MUTYH: variants seen among roughly 807,000 people sequenced by gnomAD.
The protein encoded by MUTYH is adenine DNA glycosylase.
In MUTYH, 64 loss-of-function variants were observed where a neutral mutation model predicts 72.9. The ratio of observed to expected loss-of-function variants is 0.88; its 90% confidence interval spans 0.72 to 1.08. MUTYH has a LOEUF of 1.08. MUTYH is among the 50% of genes least tolerant of loss of function. The pLI is 0.00. For synonymous variants in MUTYH, 234 were observed against 263.1 expected, an observed-to-expected ratio of 0.89 and a Z score of 1.07; for missense variants, 633 against 671.0, an observed-to-expected ratio of 0.94 and a Z score of 0.63.
At chr1:45,337,206 T>C (rs1243844823) in intron 1 of MUTYH, among the ~76,000 whole-genome samples, 2 of 151,410 alleles carry the variant, frequency 1.3e-5, no homozygotes, top group Non-Finnish European at 2.9e-5. Flanking sequence ...TGCAGTGGTG[T>C]GATCTTGGCT....
chr1:45,333,350 G>C (rs1012209091), intron 3 of MUTYH, 26 bp from the exon 4 acceptor site: 2 of 1,614,246 alleles, frequency 1.2e-6, no homozygotes, highest in African/African-American at 2.7e-5. Context: ...CAGATGAGGA[G>C]TTAGGGTGGA....
At position 45,329,256 on chromosome 1, in the gene MUTYH, A is replaced by C. The variant is rs1644332454; in HGVS notation, c.*50T>G. ...ACAACATAAAATAACTACAAAAATA[A>C]GCACTTTACTAACAACAGGATTCTC... On this transcript the variant is annotated 3_prime_UTR_variant, in exon 16 of 16. Transcript: ENST00000456914. The C allele has an allele frequency of 6.2e-7, 1 of 1,612,124 alleles. No homozygotes were observed. The highest frequency in any genetic ancestry group is 1.1e-5 in the South Asian group (1 of 91,022).
rs587780079 is a variant in MUTYH at position 45,331,454 on chromosome 1, G to A, written c.1205C>T (p.Pro402Leu). ...GTGCCGGAGGTGCGTGGCTGGGAGG[G>A]GCCCAGCCCAACGCTGTAGTTCCTG... is the stretch of plus-strand genomic sequence containing the variant. ...LLQELQRWAG[P>L]LPATHLRHLG... is the part of the protein sequence containing the mutation. Residue 402 changes from proline to leucine, a missense_variant, in exon 13 of 16, where the codon CCC becomes CTC. Transcript: ENST00000456914. 34 of 1,614,128 alleles carry A rather than the reference G, an allele frequency of 2.1e-5. No individual in the cohort carries two copies. Among genetic ancestry groups the A allele is most frequent in the Non-Finnish European group, 8.5e-6 (10 of 1,180,060 alleles).
upstream of MUTYH, chr1:45,340,292 G>C: frequency 6.2e-7 from 1 of 1,613,254 alleles, no homozygotes; most frequent in Non-Finnish European, 8.5e-7. Context: ...TTCAGCTCCC[G>C]CAGCTTCCGA....
rs1553126738 is a variant in MUTYH at position 45,331,774 on chromosome 1, A to T, written c.989T>A (p.Phe330Tyr). The T allele has an allele frequency of 1.2e-6, 2 of 1,613,744 alleles. No individual in the cohort carries two copies. Among genetic ancestry groups the T allele is most frequent in the Non-Finnish European group, 1.7e-6 (2 of 1,179,846 alleles). ...PWDQTLGVVNFPRKASRKPPR... is the reference protein window; with the variant it reads ...PWDQTLGVVNYPRKASRKPPR... ...GGGCTTGCGGCTGGCCTTTCTGGGG[A>T]AGTTGACCACTCCCAGGGTCTGGTC... The change falls in exon 12 of 16, where the codon TTC becomes TAC. Residue 330 changes from phenylalanine to tyrosine, a missense_variant. Coordinates refer to ENST00000456914, the MANE Select transcript of MUTYH (RefSeq NM_001048174.2).
At position 45,331,184 on chromosome 1, in the gene MUTYH, T is replaced by A. The variant is rs863224502; in HGVS notation, c.1390A>T (p.Lys464Ter). ...AACAAAGACAACAAAGGTAGTGCCT[T>A]TTTCATGGCGGTGGAAACAGCTGCG... ...HTAAVSTAMK[K>*]VFRVYQGQQP... Residue 464 changes from lysine to a stop codon, truncating the protein, a stop_gained and splice_region_variant, in exon 14 of 16, where the codon AAG becomes TAG. Transcript: ENST00000456914. LOFTEE classifies it low-confidence loss of function (END_TRUNC). 1.2e-6 allele frequency: 2 copies of A among 1,614,088 alleles called. No individual in the cohort carries two copies. The highest frequency in any genetic ancestry group is 2.7e-5 in the African/African-American group (2 of 74,924).
intron 1 of MUTYH, among the ~76,000 whole-genome samples, chr1:45,339,125 C>T (rs1646476806): frequency 6.7e-6 from 1 of 150,002 alleles, no homozygotes; most frequent in Non-Finnish European, 1.5e-5. Context: ...TAACTATAAA[C>T]AATGAGTAAC....
rs1060501340 is a variant in MUTYH, at chr1:45,331,744, C to G, written c.1019G>C (p.Arg340Thr). 4.3e-6 allele frequency: 7 copies of G among 1,614,036 alleles called. No homozygotes were observed. Among genetic ancestry groups the G allele is most frequent in the Non-Finnish European group, 5.9e-6 (7 of 1,180,010 alleles). ...AACACAGGTGGCAGAGCTCTCCTCC[C>G]TGGGGGGCTTGCGGCTGGCCTTTCT... The part of the protein sequence containing the change: ...FPRKASRKPP[R>T]EESSATCVLE... Residue 340 changes from arginine (R) to threonine (T), a missense_variant, in exon 12 of 16, where the codon AGG (arginine) becomes ACG (threonine). Arg to Thr is a moderately conservative substitution (Grantham distance 71). Coordinates refer to ENST00000456914, the MANE Select transcript of MUTYH (RefSeq NM_001048174.2).
intron 14 of MUTYH, among the ~76,000 whole-genome samples, chr1:45,330,832 C>G (rs929431059): frequency 4.6e-5 from 7 of 152,122 alleles, no homozygotes; most frequent in Non-Finnish European, 2.9e-5. Flanking sequence ...CACCTGTAAT[C>G]CCAGCATTCT....
In MUTYH at chr1:45,339,886, C is replaced by A. The variant is rs761085013; in HGVS notation, c.-7+13G>T. The A allele has an allele frequency of 7.2e-7, 1 of 1,394,682 alleles. No individual in the cohort carries two copies. The highest frequency in any genetic ancestry group is 9.6e-7 in the Non-Finnish European group (1 of 1,046,886). 86.4% of individuals were successfully genotyped at this position (1,394,682 alleles called of 1,614,324 possible). ...CTGGAAAGCCCAAACCCAGCCACCC[C>A]ACTACCCGCTACCCGCGGCCCACGC... is the stretch of plus-strand genomic sequence containing the variant. On this transcript the variant is annotated intron_variant, in intron 1 of 15. Transcript: ENST00000456914.
At chr1:45,329,726 TGACCTTTCCAGCTAA>T (rs1483245246) in intron 15 of MUTYH, among the ~76,000 whole-genome samples, 2 of 152,206 alleles carry the variant, frequency 1.3e-5, no homozygotes, top group African/African-American at 4.8e-5. Context: ...CAGGCCCTGC[TGACCTTTCCAGCTAA>T]ACCAACTGCT....
In MUTYH at chr1:45,332,254, G is replaced by A. The variant is rs587782764; in HGVS notation, c.761C>T (p.Ala254Val). ...ACACACTGTGGCCCCTAGCTCCATG[G>A]CTGCTTGGTTGAAATCTCCTGGCCG... is the stretch of plus-strand genomic sequence containing the variant. ...PARPGDFNQA[A>V]MELGATVCTP... Residue 254 changes from alanine (A) to valine (V), a missense_variant, in exon 10 of 16, where the codon GCC becomes GTC. Transcript: ENST00000456914. 1.2e-6 allele frequency: 2 copies of A among 1,613,910 alleles called. No individual in the cohort carries two copies. The highest frequency in any genetic ancestry group is 1.7e-5 in the Admixed American group (1 of 59,996).
intron 2 of MUTYH, chr1:45,333,979 A>G (rs1032825679): frequency 1.6e-5 from 6 of 377,880 alleles, no homozygotes; most frequent in Non-Finnish European, 2.5e-5. Flanking sequence ...AATGTCACAC[A>G]GCAATACAGT....
intron 1 of MUTYH, chr1:45,338,636 T>C (rs986073547): frequency 1.3e-4 from 33 of 245,250 alleles, no homozygotes; most frequent in African/African-American, 6.7e-4. Flanking sequence ...CAGTGCCAGG[T>C]AAACTGTACA....
intron 5 of MUTYH, 32 bp from the exon 6 acceptor site, chr1:45,332,991 G>C (rs2149162460): frequency 6.2e-7 from 1 of 1,614,036 alleles, no homozygotes; most frequent in Non-Finnish European, 8.5e-7. Context: ...AAGAGACAAG[G>C]TCAAGGGTGA....
intron 1 of MUTYH, among the ~76,000 whole-genome samples, chr1:45,337,865 GGGGACA>G (rs545460472): frequency 3.9e-4 from 59 of 152,192 alleles, no homozygotes; most frequent in Non-Finnish European, 6.8e-4. Flanking sequence ...ATATTCTAAT[GGGGACA>G]GAAAAGGAAT....
chr1:45,337,133 A>G (rs1646005683), intron 1 of MUTYH, among the ~76,000 whole-genome samples: 1 of 151,094 alleles, frequency 6.6e-6, no homozygotes, highest in South Asian at 2.1e-4. Context: ...TATAACCTTC[A>G]ATGGTTTCCC....
intron 1 of MUTYH, among the ~76,000 whole-genome samples, chr1:45,339,436 A>T (rs973627820): frequency 1.3e-5 from 2 of 148,804 alleles, no homozygotes; most frequent in Non-Finnish European, 3.0e-5. Flanking sequence ...CTGGTTTTGA[A>T]CTCCGGACCT....
At position 45,332,814 on chromosome 1, in the gene MUTYH, A is replaced by G. The variant is rs786201352; in HGVS notation, c.441T>C (p.Ala147=). The part of the protein sequence containing the change: ...ASLEEVNQLW[A]GLGYYSRGRR... ...GGCCACGAGAATAGTAGCCCAGGCC[A>G]GCCCAGAGTTGATTCACCTCCTGTG... is the stretch of plus-strand genomic sequence containing the variant. The change falls in exon 7 of 16, where the codon GCT becomes GCC. Residue 147 remains alanine (A), a synonymous_variant. Coordinates refer to ENST00000456914, the MANE Select transcript of MUTYH (RefSeq NM_001048174.2). The G allele has an allele frequency of 2.5e-6, 4 of 1,614,056 alleles. No individual in the cohort carries two copies. Among genetic ancestry groups the G allele is most frequent in the Non-Finnish European group, 3.4e-6 (4 of 1,180,034 alleles).
Sources: gnomAD v4.1 joint callset for allele counts (sites outside exome capture counted in the v4.1 genomes callset) on GRCh38, gnomAD v4.1.1 for gene constraint, MANE v1.5 for transcripts, NCBI Gene and HGNC (gene_info 2026-07-23, HGNC 2026-07-21) for gene names.